HECW2: variants seen among roughly 807,000 people sequenced by gnomAD.
The protein encoded by HECW2 is HECT, C2 and WW domain containing E3 ubiquitin protein ligase 2, also known as E3 ubiquitin-protein ligase HECW2.
In HECW2, 61 loss-of-function variants were observed where a neutral mutation model predicts 175.2. That is an observed-to-expected ratio of 0.35 (90% confidence interval 0.28 to 0.43). The LOEUF (loss-of-function observed/expected upper bound fraction) is 0.43, where lower values mean the gene tolerates loss of function less well. HECW2 is among the 20% of genes least tolerant of loss of function. HECW2 has a pLI of 1.00. For synonymous variants in HECW2, 671 were observed against 731.0 expected (o/e 0.92, Z 1.32); for missense variants, 1,524 against 2,000.5 (o/e 0.76, Z 4.54).
chr2:196,251,899 G>C (rs556418709), intron 19 of HECW2, among the ~76,000 whole-genome samples: 2 of 152,000 alleles, frequency 1.3e-5, no homozygotes, highest in South Asian at 2.1e-4. Context: ...GGCTTCACAT[G>C]GACAATAGAA....
At chr2:196,264,855 A>G (rs1421829589) in intron 17 of HECW2, among the ~76,000 whole-genome samples, 1 of 152,262 alleles carries the variant, frequency 6.6e-6, no homozygotes, top group African/African-American at 2.4e-5. Flanking sequence ...GTCATAGAAT[A>G]GATGACAGGT....
intron 1 of HECW2, among the ~76,000 whole-genome samples, chr2:196,483,239 T>C (rs1686901573): frequency 6.6e-6 from 1 of 152,136 alleles, no homozygotes; most frequent in Non-Finnish European, 1.5e-5. Context: ...TAATCTCTAA[T>C]AATTTATTTA....
intron 2 of HECW2, among the ~76,000 whole-genome samples, chr2:196,378,230 G>C (rs565298325): frequency 1.3e-4 from 20 of 152,132 alleles, no homozygotes; most frequent in African/African-American, 4.6e-4. Context: ...CCATTGCCTA[G>C]GGCTGAAATA....
In HECW2 at chr2:196,444,867, AT is replaced by A. The variant is rs573129650; in HGVS notation, c.-35-11410del. Among the ~76,000 whole-genome samples the A allele has an allele frequency of 1.6e-4, 24 of 152,104 alleles. No homozygotes were observed. In the South Asian group the frequency reaches 4.6e-3, roughly 29 times the overall value. The stretch of plus-strand genomic sequence containing the variant: ...GGTCAGGGAGGAGAGCAGAGGGTGG[AT>A]TTTTTTTCCCTGGATTTCTTTATAA... On this transcript the variant is annotated intron_variant, in intron 1 of 28. Transcript: ENST00000644978.
chr2:196,294,781 A>G (rs146321396), intron 13 of HECW2, among the ~76,000 whole-genome samples: 32 of 152,292 alleles, frequency 2.1e-4, no homozygotes, highest in African/African-American at 7.2e-4. Context: ...CCTTTGACAC[A>G]GCAAGTGGCA....
chr2:196,276,241 C>T (rs546984005), intron 15 of HECW2, among the ~76,000 whole-genome samples: 1 of 152,270 alleles, frequency 6.6e-6, no homozygotes, highest in South Asian at 2.1e-4. Context: ...TCAGAAAGGA[C>T]ACTCCCCCGG....
At chr2:196,546,116 G>C (rs72914649) in intron 1 of HECW2, among the ~76,000 whole-genome samples, 1 of 152,212 alleles carries the variant, frequency 6.6e-6, no homozygotes, top group African/African-American at 2.4e-5. Flanking sequence ...GAGGACAAAA[G>C]TGCATGTTTG....
At chr2:196,349,217 T>C (rs533083531) in intron 2 of HECW2, among the ~76,000 whole-genome samples, 1 of 152,366 alleles carries the variant, frequency 6.6e-6, no homozygotes, top group African/African-American at 2.4e-5. Context: ...TTACCTTCCT[T>C]GCCTTCTTTC....
At chr2:196,327,407 T>A (rs960575276) in intron 5 of HECW2, among the ~76,000 whole-genome samples, 2 of 152,174 alleles carry the variant, frequency 1.3e-5, no homozygotes, top group Admixed American at 6.5e-5. Context: ...TGCTCACAAA[T>A]ATCCACACCA....
At chr2:196,346,301 T>C (rs1692951558) in intron 2 of HECW2, among the ~76,000 whole-genome samples, 1 of 152,106 alleles carries the variant, frequency 6.6e-6, no homozygotes, top group South Asian at 2.1e-4. Context: ...CATGGACCAG[T>C]GAGGGTCAAA....
intron 1 of HECW2, among the ~76,000 whole-genome samples, chr2:196,496,816 T>C (rs948390283): frequency 2.0e-5 from 3 of 152,214 alleles, no homozygotes; most frequent in African/African-American, 4.8e-5. Context: ...GTGGAGGCCA[T>C]GTTACTCAAA....
At chr2:196,217,686 A>G (rs1295582428) in intron 26 of HECW2, 2 of 152,252 alleles carry the variant, frequency 1.3e-5, no homozygotes, top group African/African-American at 4.8e-5. Context: ...CCTTAAATAA[A>G]TCCTGAGTAA....
At chr2:196,570,077 A>C (rs1690330977) in intron 1 of HECW2, among the ~76,000 whole-genome samples, 1 of 152,242 alleles carries the variant, frequency 6.6e-6, no homozygotes. Context: ...ATGCATTTTC[A>C]GAAGGCGGCA....
Position 196,287,982 on chromosome 2 carries a change from A to C in HECW2, c.3000+4583T>G, listed in dbSNP as rs1336739780. Reference sequence around the variant, plus strand: ...ATAGCACATACCAGTGCTAAGGCACACATCCTTTTTTTTTTTTATCTTTTT... The same window carrying C: ...ATAGCACATACCAGTGCTAAGGCACCCATCCTTTTTTTTTTTTATCTTTTT... On this transcript the variant is annotated intron_variant, in intron 14 of 28. Transcript: ENST00000644978. The C allele has an allele frequency of 2.0e-5, 3 of 150,720 alleles. No individual in the cohort carries two copies. The East Asian group carries it at 5.8e-4, about 29-fold the overall frequency. 9.3% of individuals were successfully genotyped at this position (150,720 alleles called of 1,614,324 possible).
chr2:196,339,638 A>C (rs566028907), intron 3 of HECW2, among the ~76,000 whole-genome samples: 3 of 152,334 alleles, frequency 2.0e-5, no homozygotes, highest in African/African-American at 7.2e-5. Flanking sequence ...GGAAGAACAG[A>C]AAGCAAATAT....
chr2:196,386,965 C>A (rs1694369079), intron 2 of HECW2, among the ~76,000 whole-genome samples: 1 of 152,262 alleles, frequency 6.6e-6, no homozygotes, highest in Non-Finnish European at 1.5e-5. Flanking sequence ...ATAATACTAA[C>A]TCCTAACAGC....
chr2:196,382,133 A>G (rs2889221), intron 2 of HECW2, among the ~76,000 whole-genome samples: 38,726 of 151,878 alleles, frequency 0.25, 6,347 homozygotes, highest in African/African-American at 0.47. Context: ...TTTTTATATT[A>G]AAAGAGGTGA....
chr2:196,277,569 G>A (rs961097777), intron 15 of HECW2, among the ~76,000 whole-genome samples: 1 of 152,080 alleles, frequency 6.6e-6, no homozygotes, highest in Non-Finnish European at 1.5e-5. Flanking sequence ...ACAGTGTGGC[G>A]ATTCCTCAGG....
chr2:196,293,199 G>A (rs1277060135), intron 13 of HECW2, among the ~76,000 whole-genome samples: 2 of 152,122 alleles, frequency 1.3e-5, no homozygotes, highest in Admixed American at 6.5e-5. Context: ...TCCCCTCTCT[G>A]TGTCCATGTG....
Sources: gnomAD v4.1 joint callset for allele counts (sites outside exome capture counted in the v4.1 genomes callset) on GRCh38, gnomAD v4.1.1 for gene constraint, MANE v1.5 for transcripts, NCBI Gene and HGNC (gene_info 2026-07-23, HGNC 2026-07-21) for gene names.